The following SENP7 variants were observed in gnomAD, a reference collection of about 807,000 sequenced individuals.
SENP7 encodes sentrin-specific protease 7.
Under a neutral mutation model 141.2 loss-of-function variants are expected in SENP7, and 64 were observed. The observed-to-expected ratio is 0.45, with a 90% confidence interval of 0.37 to 0.56. The LOEUF is 0.56. Among genes scored for constraint, SENP7 ranks in the 20% least tolerant of loss-of-function variants. The pLI, the probability that SENP7 is intolerant of heterozygous loss-of-function variation, is 0.00. For synonymous variants in SENP7, 382 were observed against 426.4 expected, an observed-to-expected ratio of 0.90 and a Z score of 1.28; for missense variants, 1,025 against 1,212.2, an observed-to-expected ratio of 0.85 and a Z score of 2.29.
At position 101,340,574 on chromosome 3, in the gene SENP7, C is replaced by T. The variant is rs72938092; in HGVS notation, c.2241-363G>A. On this transcript the variant is annotated intron_variant, in intron 15 of 23. Coordinates refer to ENST00000394095, the MANE Select transcript of SENP7 (RefSeq NM_020654.5). ...AATAAACTGATGTAATAAAATATAG[C>T]TTTTCCTTTCTCCGCTTTCTAAGTT... The T allele has an allele frequency of 2.0e-3, 348 of 175,010 alleles. 1 individual carries two copies. The highest frequency in any genetic ancestry group is 7.8e-3 in the African/African-American group (326 of 41,948). 10.8% of individuals were successfully genotyped at this position (175,010 alleles called of 1,614,324 possible). A position where few individuals can be genotyped will look rare whatever the true frequency, so the allele number is the denominator to read the frequency against.
chr3:101,327,633 G>A (rs767863676), intron 23 of SENP7, 33 bp downstream of exon 23: 4 of 1,547,538 alleles, frequency 2.6e-6, no homozygotes, highest in Admixed American at 1.9e-5. Context: ...GGTGGTAACT[G>A]TGAATTAAAA....
chr3:101,507,252 A>C (rs1269976871), intron 1 of SENP7, among the ~76,000 whole-genome samples: 4 of 152,204 alleles, frequency 2.6e-5, no homozygotes, highest in Non-Finnish European at 4.4e-5. Flanking sequence ...GGAAGGCATT[A>C]TAACAGAATT....
chr3:101,457,628 A>G (rs2063398697), intron 4 of SENP7: 1 of 1,556,632 alleles, frequency 6.4e-7, no homozygotes, highest in East Asian at 2.2e-5. Context: ...TGGCTGTTCT[A>G]TGAACCACCT....
chr3:101,472,737 C>T (rs2064054698), intron 3 of SENP7, among the ~76,000 whole-genome samples: 1 of 152,066 alleles, frequency 6.6e-6, no homozygotes, highest in African/African-American at 2.4e-5. Flanking sequence ...GTCAGAAAAT[C>T]ATTAACAAAA....
chr3:101,411,518 A>G (rs1272446563), intron 5 of SENP7, among the ~76,000 whole-genome samples: 1 of 152,176 alleles, frequency 6.6e-6, no homozygotes, highest in Non-Finnish European at 1.5e-5. Flanking sequence ...TGAGGAAACA[A>G]GGAACTTTGT....
At chr3:101,438,869 G>C (rs910083888) in intron 4 of SENP7, among the ~76,000 whole-genome samples, 2 of 151,412 alleles carry the variant, frequency 1.3e-5, no homozygotes, top group Non-Finnish European at 1.5e-5. Flanking sequence ...AGGAGCGGAC[G>C]GGCCCCGCGG....
rs115542117 is a variant in SENP7, at chr3:101,337,684, G to A, written c.2358-53C>T. On this transcript the variant is annotated intron_variant, in intron 16 of 23. Coordinates refer to ENST00000394095, the MANE Select transcript of SENP7 (RefSeq NM_020654.5). ...AATTATTTTTAGATTTTACTTGGTCGTCCCCCAGTTGTCTTATGTGTTCTG... is the reference window on the plus strand; with the variant it reads ...AATTATTTTTAGATTTTACTTGGTCATCCCCCAGTTGTCTTATGTGTTCTG... 9.6e-4 allele frequency: 1,350 copies of A among 1,407,442 alleles called. 10 individuals carry two copies. In the African/African-American group the frequency reaches 0.012, roughly 12 times the overall value. 87.2% of individuals were successfully genotyped at this position (1,407,442 alleles called of 1,614,324 possible). A position where few individuals can be genotyped will look rare whatever the true frequency, so the allele number is the denominator to read the frequency against.
intron 4 of SENP7, among the ~76,000 whole-genome samples, chr3:101,453,537 T>C (rs995590591): frequency 3.7e-4 from 56 of 152,132 alleles, no homozygotes; most frequent in African/African-American, 1.3e-3. Flanking sequence ...TATGCAGCCA[T>C]AAAAAATGAT....
At chr3:101,387,171 G>C (rs772677498) in intron 6 of SENP7, among the ~76,000 whole-genome samples, 2 of 152,160 alleles carry the variant, frequency 1.3e-5, no homozygotes, top group Non-Finnish European at 2.9e-5. Flanking sequence ...CACAATCAGA[G>C]AGCATAAGAC....
intron 5 of SENP7, among the ~76,000 whole-genome samples, chr3:101,413,032 A>T (rs184366599): frequency 6.6e-6 from 1 of 152,252 alleles, no homozygotes; most frequent in East Asian, 1.9e-4. Context: ...CCTCACATAA[A>T]AGGCAAGATA....
At chr3:101,385,529 A>G (rs2060628746) in intron 6 of SENP7, among the ~76,000 whole-genome samples, 1 of 152,218 alleles carries the variant, frequency 6.6e-6, no homozygotes, top group Non-Finnish European at 1.5e-5. Context: ...CCTCTCCTGC[A>G]ACCCCGTCCA....
At chr3:101,504,280 G>A (rs1397156929) in intron 1 of SENP7, among the ~76,000 whole-genome samples, 1 of 145,850 alleles carries the variant, frequency 6.9e-6, no homozygotes, top group Non-Finnish European at 1.5e-5. Flanking sequence ...GGGGAAACCC[G>A]TCTCTATTAA....
chr3:101,480,751 C>T (rs1368243629), intron 3 of SENP7, among the ~76,000 whole-genome samples: 1 of 151,932 alleles, frequency 6.6e-6, no homozygotes, highest in East Asian at 1.9e-4. Flanking sequence ...GGACTAATAT[C>T]CAGAATACAC....
intron 4 of SENP7, among the ~76,000 whole-genome samples, chr3:101,442,452 T>A (rs1304294211): frequency 2.0e-5 from 3 of 152,120 alleles, no homozygotes; most frequent in Admixed American, 2.0e-4. Context: ...TGTGAGAATC[T>A]AATGCTCCCA....
At position 101,508,838 on chromosome 3, in the gene SENP7, A is replaced by G. The variant is rs921123918; in HGVS notation, c.40+4253T>C. On this transcript the variant is annotated intron_variant, in intron 1 of 23. Coordinates refer to ENST00000394095, the MANE Select transcript of SENP7 (RefSeq NM_020654.5). ...TCACAAAGTACTAACAGCTCCAACT[A>G]CTATAAAACTCACACTTGCTATAAC... Among the ~76,000 whole-genome samples, 3 of 152,222 alleles carry G rather than the reference A, an allele frequency of 2.0e-5. 1 individual carries two copies.
chr3:101,370,543 C>T (rs982044231), intron 7 of SENP7, among the ~76,000 whole-genome samples: 5 of 151,834 alleles, frequency 3.3e-5, no homozygotes, highest in Non-Finnish European at 7.4e-5. Context: ...CTTATAATAC[C>T]CAATACAACA....
In SENP7 at chr3:101,356,636, C is replaced by A. The variant is rs6786031; in HGVS notation, c.1624-4985G>T. ...AAATTCTTTGATATTTACATAGAAT[C>A]AATTTTGAATTAAATATTTTTTCAT... On this transcript the variant is annotated intron_variant, in intron 11 of 23. Transcript: ENST00000394095. Among the ~76,000 whole-genome samples the A allele has an allele frequency of 9.5e-3, 1,444 of 151,994 alleles. 26 individuals are homozygous for A. The highest frequency in any genetic ancestry group is 0.034 in the African/African-American group (1,390 of 41,446).
At chr3:101,352,148 G>A (rs1243615703) in intron 11 of SENP7, among the ~76,000 whole-genome samples, 1 of 151,984 alleles carries the variant, frequency 6.6e-6, no homozygotes, top group Non-Finnish European at 1.5e-5. Flanking sequence ...AATTAAAATT[G>A]TCAGAAGGCT....
At chr3:101,360,398 C>T (rs2059864037) in intron 11 of SENP7, among the ~76,000 whole-genome samples, 1 of 152,148 alleles carries the variant, frequency 6.6e-6, no homozygotes, top group African/African-American at 2.4e-5. Flanking sequence ...CATATGCACC[C>T]TTCTTGTACA....
Sources: gnomAD v4.1 joint callset for allele counts (sites outside exome capture counted in the v4.1 genomes callset) on GRCh38, gnomAD v4.1.1 for gene constraint, MANE v1.5 for transcripts, NCBI Gene and HGNC (gene_info 2026-07-23, HGNC 2026-07-21) for gene names.